The following GPI variants were observed in gnomAD, a reference collection of about 807,000 sequenced individuals.
GPI encodes the protein D-hexose-6-phosphate anomerase.
Under a neutral mutation model 75.8 loss-of-function variants are expected in GPI, and 56 were observed. The ratio of observed to expected loss-of-function variants is 0.74; its 90% CI spans 0.60 to 0.92. The LOEUF (loss-of-function observed/expected upper bound fraction) is 0.92. Among genes scored for constraint, GPI ranks in the 40% least tolerant of loss-of-function variants. The probability of loss-of-function intolerance (pLI) is 0.00; values close to 1 mark genes in which losing one functional copy is unlikely to be tolerated. For missense variants in GPI, 638 were observed against 741.0 expected (o/e 0.86, Z 1.61); for synonymous variants, 288 against 285.4 (o/e 1.01, Z -0.09).
intron 4 of GPI, among the ~76,000 whole-genome samples, 154 bp from the exon 5 acceptor site, chr19:34,377,349 A>ATG (rs2074561274): frequency 8.0e-6 from 1 of 125,694 alleles, no homozygotes; most frequent in Non-Finnish European, 1.7e-5. Context: ...ATATATATAT[A>ATG]TATATATATG....
chr19:34,391,475 T>C (rs990087152), intron 9 of GPI, among the ~76,000 whole-genome samples: 1 of 644 alleles, frequency 1.6e-3, no homozygotes, highest in Non-Finnish European at 3.8e-3. Context: ...AGGAGATGTG[T>C]CTTCCAGTGA....
chr19:34,378,810 T>C, intron 6 of GPI, 124 bp from the exon 7 acceptor site: 2 of 759,180 alleles, frequency 2.6e-6, no homozygotes, highest in Non-Finnish European at 4.8e-6. Flanking sequence ...TCACTGTCAC[T>C]GACCTGCAAA....
chr19:34,395,367 C>CA (rs8191419), intron 12 of GPI, among the ~76,000 whole-genome samples: 4 of 151,252 alleles, frequency 2.6e-5, no homozygotes, highest in East Asian at 2.0e-4. Context: ...CCGGTCTCTA[C>CA]AAAAAAAACC....
rs767833235 is a variant in GPI at position 34,377,490 on chromosome 19, G to A, written c.403-13G>A. On this transcript the variant is annotated splice_polypyrimidine_tract_variant and intron_variant, in intron 4 of 17. Transcript: ENST00000356487. ...GGGGGTTTGGGCTGATGGCATCTTC[G>A]CCCCTGTGCCAGCGTGTCCGGAGCG... The A allele has an allele frequency of 1.1e-5, 17 of 1,601,828 alleles. No individual in the cohort carries two copies. The highest frequency in any genetic ancestry group is 6.7e-5 in the Admixed American group (4 of 59,850).
upstream of GPI, among the ~76,000 whole-genome samples, chr19:34,361,014 G>C (rs1225816487): frequency 6.6e-6 from 1 of 152,130 alleles, no homozygotes; most frequent in Non-Finnish European, 1.5e-5. Flanking sequence ...CTGGCTTCAA[G>C]TGATCCACCT....
chr19:34,393,728 G>A lies in GPI; in HGVS notation c.866G>A (p.Gly289Asp). The A allele has an allele frequency of 3.1e-6, 5 of 1,613,484 alleles. No homozygotes were observed. In the South Asian group the frequency reaches 4.4e-5, roughly 14 times the overall value. The part of the protein sequence containing the change: ...AIGLSIALHV[G>D]FDNFEQLLSG... ...TGTTGACTCTGCTTTTGTGTCACAG[G>A]TTTTGACAACTTCGAGCAGCTGCTC... Residue 289 changes from glycine (G) to aspartate (D), a missense_variant and splice_region_variant, in exon 11 of 18, where the codon GGT (glycine) becomes GAT (aspartate). Transcript: ENST00000356487. The surrounding 1 kb of genome is among the most constrained non-coding windows in gnomAD (Gnocchi z 4.4).
intron 9 of GPI, among the ~76,000 whole-genome samples, chr19:34,382,974 C>T (rs1044903386): frequency 1.3e-4 from 20 of 152,194 alleles, no homozygotes; most frequent in South Asian, 2.1e-4. Context: ...TAGGAGCAGG[C>T]GAAGTTCCTG....
At chr19:34,391,504 T>A (rs1217540869) in intron 9 of GPI, among the ~76,000 whole-genome samples, 1 of 1,222 alleles carries the variant, frequency 8.2e-4, no homozygotes, top group East Asian at 0.018. Flanking sequence ...GTACGATCTC[T>A]TATAGGTATG....
At chr19:34,363,074 C>T (rs1446874663), upstream of GPI, among the ~76,000 whole-genome samples, 1 of 151,848 alleles carries the variant, frequency 6.6e-6, no homozygotes, top group East Asian at 2.0e-4. Flanking sequence ...CACTTGCACC[C>T]AAGGATTCGA....
chr19:34,362,423 G>C (rs371322097), upstream of GPI, among the ~76,000 whole-genome samples: 9 of 152,312 alleles, frequency 5.9e-5, no homozygotes, highest in South Asian at 6.2e-4. Flanking sequence ...TGTACATTAT[G>C]GAAGATTAAA....
At position 34,379,501 on chromosome 19, in the gene GPI, G is replaced by C; in HGVS notation, c.706-17G>C. 2 of 1,613,398 alleles carry C rather than the reference G, an allele frequency of 1.2e-6. No individual in the cohort carries two copies. Among genetic ancestry groups the C allele is most frequent in the Non-Finnish European group, 1.7e-6 (2 of 1,179,314 alleles). ...CTCCCTGGGCTGGCTGTGGTAACTT[G>C]GCTCTGTCTCTTGTAGCCTTCTGCA... On this transcript the variant is annotated splice_polypyrimidine_tract_variant and intron_variant, in intron 7 of 17. Transcript: ENST00000356487.
chr19:34,393,862 C>T lies in GPI; in HGVS notation c.910-52C>T. ...CGCTTTCTCCCCCACTGTCCTGTCCCTCCCCTCCCCGTGCAGCTGCTCAGC... is the reference window on the plus strand; with the variant it reads ...CGCTTTCTCCCCCACTGTCCTGTCCTTCCCCTCCCCGTGCAGCTGCTCAGC... On this transcript the variant is annotated intron_variant, in intron 11 of 17. Transcript: ENST00000356487. This position sits in a 1 kb window ranked among gnomAD's most constrained non-coding sequence, Gnocchi z 4.4. The T allele has an allele frequency of 6.2e-7, 1 of 1,608,188 alleles. No individual in the cohort carries two copies.
In GPI at chr19:34,366,806, C is replaced by T. The variant is rs376215178; in HGVS notation, c.237C>T (p.Ala79=). The change falls in exon 3 of 18, where the codon GCC becomes GCT. Residue 79 remains alanine (A), a synonymous_variant. Coordinates refer to ENST00000356487, the MANE Select transcript of GPI (RefSeq NM_000175.5). ...VDLAKSRGVE[A]ARERMFNGEK... is the part of the protein sequence containing the mutation. ...AGGCCAAGTCCAGGGGCGTGGAGGC[C>T]GCCCGGGAGCGGATGTTCAATGGTG... The T allele has an allele frequency of 1.2e-5, 20 of 1,613,296 alleles. No homozygotes were observed. The Admixed American group carries it at 1.3e-4, about 11-fold the overall frequency.
At chr19:34,375,315 G>GAA (rs2074518731) in intron 4 of GPI, among the ~76,000 whole-genome samples, 1 of 151,180 alleles carries the variant, frequency 6.6e-6, no homozygotes, top group Non-Finnish European at 1.5e-5. Flanking sequence ...GATAATTTTT[G>GAA]TATTTTTTTT....
chr19:34,396,708 C>G, intron 14 of GPI, 51 bp downstream of exon 14: 1 of 1,450,034 alleles, frequency 6.9e-7, no homozygotes, highest in Non-Finnish European at 9.7e-7. Context: ...ACATTGCACC[C>G]AGACCTCTGA....
intron 12 of GPI, among the ~76,000 whole-genome samples, chr19:34,394,914 A>G (rs981321952): frequency 6.6e-6 from 1 of 151,916 alleles, no homozygotes. Context: ...GGGTTTCACT[A>G]TGTTGCCCAG....
intron 1 of GPI, chr19:34,366,028 C>T (rs1238284227): frequency 1.7e-6 from 1 of 594,582 alleles, no homozygotes; most frequent in African/African-American, 1.8e-5. Context: ...TCCCTGTCAT[C>T]TGGATGGGTG....
intron 12 of GPI, among the ~76,000 whole-genome samples, chr19:34,395,621 T>C (rs1190281331): frequency 6.6e-6 from 1 of 152,158 alleles, no homozygotes; most frequent in East Asian, 1.9e-4. Context: ...TGACCGATTT[T>C]GTCTTTAGGG....
Position 34,366,822 on chromosome 19 carries a change from T to C in GPI, c.253T>C (p.Phe85Leu). The C allele has an allele frequency of 4.3e-6, 7 of 1,613,772 alleles. No individual in the cohort carries two copies. The highest frequency in any genetic ancestry group is 5.9e-6 in the Non-Finnish European group (7 of 1,179,816). Residue 85 changes from phenylalanine to leucine, a missense_variant, in exon 3 of 18, where the codon TTC becomes CTC. Phe to Leu is a conservative substitution (Grantham distance 22). Transcript: ENST00000356487. ...CGTGGAGGCCGCCCGGGAGCGGATG[T>C]TCAATGGTGAGAAGATCAACTACAC... is the stretch of plus-strand genomic sequence containing the variant. ...RGVEAARERM[F>L]NGEKINYTEG... is the part of the protein sequence containing the mutation.
Sources: allele counts gnomAD v4.1 joint callset (sites outside exome capture counted in the v4.1 genomes callset), GRCh38; gene constraint gnomAD v4.1.1; non-coding constraint Gnocchi (gnomAD v3.1); transcripts MANE v1.5; gene names NCBI Gene and HGNC (gene_info 2026-07-23, HGNC 2026-07-21).